VRTN: variants seen among roughly 807,000 people sequenced by gnomAD.
VRTN encodes vertnin.
VRTN carries 5 observed loss-of-function variants against 18.2 expected under a neutral mutation model. That is an observed-to-expected ratio of 0.27 (90% CI 0.14 to 0.58). VRTN has a LOEUF of 0.58. Among genes scored for constraint, VRTN ranks in the 20% least tolerant of loss-of-function variants. The probability of loss-of-function intolerance (pLI) is 0.91; values close to 1 mark genes in which losing one functional copy is unlikely to be tolerated. For synonymous variants in VRTN, 381 were observed against 393.7 expected, an observed-to-expected ratio of 0.97 and a Z score of 0.38; for missense variants, 741 against 939.4, an observed-to-expected ratio of 0.79 and a Z score of 2.76.
rs756291711 is a variant in VRTN, at chr14:74,358,219, C to G, written c.1436C>G (p.Ala479Gly). Residue 479 changes from alanine to glycine, a missense_variant, in exon 2 of 2, where the codon GCG becomes GGG. By Grantham distance (60) the Ala-to-Gly change is moderately conservative (BLOSUM62 0). Coordinates refer to ENST00000256362, the MANE Select transcript of VRTN (RefSeq NM_018228.3). This position sits in a 1 kb window ranked among gnomAD's most constrained non-coding sequence, Gnocchi z 5.4. ...GCTGTAATTCCTTGGAAGAGTGAGG[C>G]GGAAGAGGGGGCAGGGAATGCCACA... ...EGAVIPWKSE[A>G]EEGAGNATGE... 6.2e-7 allele frequency: 1 copy of G among 1,612,508 alleles called. No individual in the cohort carries two copies. The highest frequency in any genetic ancestry group is 1.7e-5 in the Admixed American group (1 of 60,002).
exon 1 of VRTN, chr14:74,303,111 C>T: frequency 2.1e-6 from 1 of 470,154 alleles, no homozygotes; most frequent in Non-Finnish European, 3.7e-6. Context: ...GCGGCTACAG[C>T]GCCCCCATAT....
intron 1 of VRTN, among the ~76,000 whole-genome samples, chr14:74,334,934 A>G (rs972614522): frequency 5.3e-5 from 8 of 152,250 alleles, no homozygotes; most frequent in Non-Finnish European, 8.8e-5. Context: ...GAAGACAAAG[A>G]GTATGATTCC....
At chr14:74,325,571 GC>G (rs113777746) in intron 1 of VRTN, among the ~76,000 whole-genome samples, 5,120 of 152,230 alleles carry the variant, frequency 0.034, 154 homozygotes, top group African/African-American at 0.075. Flanking sequence ...ACTTTGGGAG[GC>G]CAAGGCAGGA....
intron 1 of VRTN, among the ~76,000 whole-genome samples, chr14:74,310,369 C>T (rs1416314176): frequency 6.7e-6 from 1 of 148,472 alleles, no homozygotes; most frequent in Non-Finnish European, 1.5e-5. Flanking sequence ...TGCACTCCAG[C>T]CTGGGCAACA....
At chr14:74,345,503 C>A (rs1481445464), upstream of VRTN, among the ~76,000 whole-genome samples, 1 of 151,722 alleles carries the variant, frequency 6.6e-6, no homozygotes, top group Admixed American at 6.6e-5. Flanking sequence ...GGGCACCTGC[C>A]ACCATGCCCG....
chr14:74,331,953 A>G (rs1369986885), intron 1 of VRTN, among the ~76,000 whole-genome samples: 3 of 151,980 alleles, frequency 2.0e-5, no homozygotes, highest in Admixed American at 2.0e-4. Flanking sequence ...TTTCAGGCTC[A>G]CCCTACATAT....
At chr14:74,322,610 C>T (rs1428512230) in intron 1 of VRTN, among the ~76,000 whole-genome samples, 1 of 152,192 alleles carries the variant, frequency 6.6e-6, no homozygotes, top group East Asian at 1.9e-4. Flanking sequence ...CACCCTGTCC[C>T]TCTGCTTCTG....
intron 1 of VRTN, among the ~76,000 whole-genome samples, chr14:74,353,042 G>A (rs1048480449): frequency 1.3e-5 from 2 of 152,162 alleles, no homozygotes; most frequent in African/African-American, 4.8e-5. Flanking sequence ...TGTAATCCCA[G>A]CACTTTGGGA....
upstream of VRTN, among the ~76,000 whole-genome samples, chr14:74,344,295 C>T (rs1395351232): frequency 8.3e-6 from 1 of 120,314 alleles, no homozygotes; most frequent in Non-Finnish European, 1.7e-5. Flanking sequence ...CAGCTATGGT[C>T]CCAGCCAGTT....
intron 1 of VRTN, among the ~76,000 whole-genome samples, chr14:74,331,768 C>T (rs776165450): frequency 1.3e-4 from 20 of 150,704 alleles, no homozygotes; most frequent in South Asian, 2.1e-4. Context: ...ATGCCTTTCA[C>T]GCAGACATTG....
chr14:74,317,741 G>A (rs531384596), intron 1 of VRTN, among the ~76,000 whole-genome samples: 2 of 152,246 alleles, frequency 1.3e-5, no homozygotes, highest in Non-Finnish European at 2.9e-5. Flanking sequence ...GGTGGAGGTG[G>A]CAGTGAGCAG....
chr14:74,355,170 A>G (rs1440426867), intron 1 of VRTN, among the ~76,000 whole-genome samples: 1 of 150,938 alleles, frequency 6.6e-6, no homozygotes, highest in East Asian at 1.9e-4. Flanking sequence ...AATTGTCACC[A>G]CTGATCTCAT....
At chr14:74,309,946 C>A (rs564383277) in intron 1 of VRTN, among the ~76,000 whole-genome samples, 1 of 151,896 alleles carries the variant, frequency 6.6e-6, no homozygotes, top group South Asian at 2.1e-4. Context: ...ATATATTTAC[C>A]CAAAAGCACA....
chr14:74,334,002 T>A (rs1940990502), intron 1 of VRTN, among the ~76,000 whole-genome samples: 1 of 152,160 alleles, frequency 6.6e-6, no homozygotes, highest in African/African-American at 2.4e-5. Flanking sequence ...CAATCACCAT[T>A]TCACAGATGA....
intron 1 of VRTN, among the ~76,000 whole-genome samples, chr14:74,325,439 C>A (rs1468291234): frequency 1.3e-5 from 2 of 151,628 alleles, no homozygotes; most frequent in African/African-American, 2.4e-5. Flanking sequence ...GGTCAAAAAA[C>A]AAAAAACAAA....
In VRTN at chr14:74,357,716, T is replaced by C. The variant is rs760670180; in HGVS notation, c.933T>C (p.Ala311=). Residue 311 remains alanine, a synonymous_variant, in exon 2 of 2, where the codon GCT becomes GCC. Coordinates refer to ENST00000256362, the MANE Select transcript of VRTN (RefSeq NM_018228.3). This position sits in a 1 kb window ranked among gnomAD's most constrained non-coding sequence, Gnocchi z 7.8. The stretch of plus-strand genomic sequence containing the variant: ...CCCAGGAGCACCGGCAGAAGGTTGC[T>C]GCCCGCTTCTCCGCCAAGCACTTCC... ...RQSQEHRQKV[A]ARFSAKHFLQ... 6.2e-7 allele frequency: 1 copy of C among 1,613,574 alleles called. No individual in the cohort carries two copies. The highest frequency in any genetic ancestry group is 1.1e-5 in the South Asian group (1 of 91,084).
rs35884901 is a variant in VRTN, at chr14:74,320,563, C to CTTTTTTT, written c.-163-17125_-163-17119dup. 2.2e-4 allele frequency among the ~76,000 whole-genome samples: 10 copies of CTTTTTTT among 45,030 alleles called. 2 individuals carry two copies. The highest frequency in any genetic ancestry group is 3.6e-4 in the Non-Finnish European group (8 of 22,414). The allele number at this position is 45,030 out of a possible 152,430, so 29.5% of individuals were successfully genotyped here. ...AGACTTGAGCCACTGCGCCCGGCCT[C>CTTTTTTT]TTTTTTTTTTTTTTTTTTTTTTTTT... On this transcript the variant is annotated intron_variant, in intron 1 of 2. Transcript: ENST00000557177.
At chr14:74,321,710 G>A (rs538750815) in intron 1 of VRTN, among the ~76,000 whole-genome samples, 14 of 152,112 alleles carry the variant, frequency 9.2e-5, no homozygotes, top group South Asian at 8.3e-4. Flanking sequence ...CCCCATGTTG[G>A]CCAGGCTGGT....
At chr14:74,342,316 A>G (rs979601840) in intron 2 of VRTN, among the ~76,000 whole-genome samples, 1 of 152,072 alleles carries the variant, frequency 6.6e-6, no homozygotes, top group Non-Finnish European at 1.5e-5. Flanking sequence ...TCCAACTAGG[A>G]ACCACAAATT....
Sources: allele counts gnomAD v4.1 joint callset (sites outside exome capture counted in the v4.1 genomes callset), GRCh38; gene constraint gnomAD v4.1.1; non-coding constraint Gnocchi (gnomAD v3.1); transcripts MANE v1.5; gene names NCBI Gene and HGNC (gene_info 2026-07-23, HGNC 2026-07-21).